MECOM: variants seen among roughly 807,000 people sequenced by gnomAD.
MECOM encodes the protein MDS1 and EVI1 complex locus.
A neutral mutation model predicts 116.3 loss-of-function variants in MECOM; 13 were observed. The observed-to-expected ratio is 0.11, with a 90% confidence interval of 0.07 to 0.18. The LOEUF is 0.18. Among genes scored for constraint, MECOM ranks in the 10% least tolerant of loss-of-function variants. The pLI, the probability that MECOM is intolerant of heterozygous loss-of-function variation, is 1.00. For missense variants in MECOM, 1,299 were observed against 1,509.0 expected (o/e 0.86, Z 2.31); for synonymous variants, 528 against 535.2 (o/e 0.99, Z 0.19).
At chr3:169,398,094 G>A (rs1344651867) in intron 1 of MECOM, among the ~76,000 whole-genome samples, 2 of 152,176 alleles carry the variant, frequency 1.3e-5, no homozygotes, top group African/African-American at 4.8e-5. Flanking sequence ...TTGGGACTGT[G>A]TGAAATTTAC....
chr3:169,394,978 T>C (rs1197451296), intron 1 of MECOM, among the ~76,000 whole-genome samples: 1 of 152,238 alleles, frequency 6.6e-6, no homozygotes, highest in African/African-American at 2.4e-5. Flanking sequence ...TTTGCTTTTT[T>C]CTAGATGGAA....
intron 2 of MECOM, chr3:169,145,143 A>AACAC (rs67598122): frequency 3.8e-4 from 194 of 513,194 alleles, no homozygotes; most frequent in South Asian, 1.9e-3. Flanking sequence ...GATATTATTA[A>AACAC]ACACACACAC....
At chr3:169,513,478 T>C (rs1341880597) in intron 1 of MECOM, among the ~76,000 whole-genome samples, 1 of 152,252 alleles carries the variant, frequency 6.6e-6, no homozygotes, top group Non-Finnish European at 1.5e-5. Flanking sequence ...GTTTAAAAAG[T>C]TGTGCTTTAA....
intron 1 of MECOM, among the ~76,000 whole-genome samples, chr3:169,590,234 A>G (rs185979096): frequency 2.6e-5 from 4 of 152,362 alleles, no homozygotes; most frequent in Admixed American, 2.6e-4. Context: ...TACTGATTTG[A>G]TGAATAAGTA....
chr3:169,547,485 A>T (rs980804319), intron 1 of MECOM, among the ~76,000 whole-genome samples: 1 of 152,200 alleles, frequency 6.6e-6, no homozygotes, highest in Non-Finnish European at 1.5e-5. Context: ...CAGAAGAACA[A>T]GTATGGGCTT....
chr3:169,254,916 C>T (rs909564403), intron 2 of MECOM, among the ~76,000 whole-genome samples: 23 of 152,020 alleles, frequency 1.5e-4, no homozygotes, highest in African/African-American at 5.3e-4. Flanking sequence ...AAAACAGGAT[C>T]CATGAAGGCT....
intron 2 of MECOM, among the ~76,000 whole-genome samples, chr3:169,360,693 A>G (rs1265263000): frequency 6.6e-6 from 1 of 151,838 alleles, no homozygotes; most frequent in Non-Finnish European, 1.5e-5. Flanking sequence ...GGGGGAAAAA[A>G]AAGCAAATTC....
intron 1 of MECOM, among the ~76,000 whole-genome samples, chr3:169,388,053 A>G (rs1227391411): frequency 1.3e-5 from 2 of 151,932 alleles, no homozygotes; most frequent in Non-Finnish European, 2.9e-5. Context: ...GCAGACAGGA[A>G]GGATTACACG....
At chr3:169,257,607 G>A (rs12633242) in intron 2 of MECOM, among the ~76,000 whole-genome samples, 14,648 of 152,214 alleles carry the variant, frequency 0.096, 932 homozygotes, top group Non-Finnish European at 0.14. Context: ...CAGTTTTTAG[G>A]TTCTAATTCT....
chr3:169,220,900 C>T (rs73172024), intron 2 of MECOM, among the ~76,000 whole-genome samples: 2,412 of 152,144 alleles, frequency 0.016, 27 homozygotes, highest in Middle Eastern at 0.031. Context: ...GAACAATATC[C>T]GGCGCATAGT....
chr3:169,281,109 C>A (rs1347142221), intron 2 of MECOM, among the ~76,000 whole-genome samples: 1 of 152,168 alleles, frequency 6.6e-6, no homozygotes, highest in African/African-American at 2.4e-5. Flanking sequence ...AATGTTGCCA[C>A]TCAAAGTGTG....
chr3:169,252,541 T>C (rs1756380025), intron 2 of MECOM, among the ~76,000 whole-genome samples: 1 of 151,030 alleles, frequency 6.6e-6, no homozygotes, highest in Non-Finnish European at 1.5e-5. Context: ...AATTTATACT[T>C]ATATAAATAT....
At chr3:169,479,037 C>T (rs1750891928) in intron 1 of MECOM, among the ~76,000 whole-genome samples, 1 of 152,150 alleles carries the variant, frequency 6.6e-6, no homozygotes. Flanking sequence ...GGGAGGGCCA[C>T]AGTAGTGATT....
At chr3:169,414,505 C>T (rs1188188122) in intron 1 of MECOM, among the ~76,000 whole-genome samples, 1 of 152,098 alleles carries the variant, frequency 6.6e-6, no homozygotes, top group Non-Finnish European at 1.5e-5. Flanking sequence ...TCCTCACCAG[C>T]AAGAGAACAA....
intron 1 of MECOM, among the ~76,000 whole-genome samples, chr3:169,536,313 G>A (rs6776319): frequency 2.0e-5 from 3 of 149,128 alleles, no homozygotes; most frequent in African/African-American, 5.0e-5. Flanking sequence ...GTAAAAGTTA[G>A]TGGATTTGGA....
intron 1 of MECOM, among the ~76,000 whole-genome samples, chr3:169,409,864 G>A (rs933558082): frequency 4.6e-5 from 7 of 152,286 alleles, no homozygotes; most frequent in Middle Eastern, 6.8e-3. Context: ...TGAGAGGATA[G>A]TAACCTAAAG....
Position 169,663,508 on chromosome 3 carries a change from CTCTCTCTCT to C in MECOM, c.-145_-137del. On this transcript the variant is annotated 5_prime_UTR_variant, in exon 1 of 17. Transcript: ENST00000651503. ...TCTCTCTCTCTCTCTCTCTCTCTCT[CTCTCTCTCT>C]CTCTCTCTCTCTCCCTCCCTCCTGT... 1.5e-6 allele frequency: 1 copy of C among 674,912 alleles called. No homozygotes were observed. The highest frequency in any genetic ancestry group is 2.6e-6 in the Non-Finnish European group (1 of 382,730). The allele number at this position is 674,912 out of a possible 1,614,324, so 41.8% of individuals were successfully genotyped here.
intron 1 of MECOM, among the ~76,000 whole-genome samples, chr3:169,603,751 A>G (rs1768128510): frequency 6.6e-6 from 1 of 152,194 alleles, no homozygotes; most frequent in South Asian, 2.1e-4. Context: ...AATGTGCAAT[A>G]GGCTAAATTA....
intron 1 of MECOM, among the ~76,000 whole-genome samples, chr3:169,648,531 T>G (rs1324963617): frequency 3.3e-5 from 5 of 152,234 alleles, no homozygotes; most frequent in Non-Finnish European, 7.3e-5. Flanking sequence ...TCTTAAGCAT[T>G]TAGGCAAATG....
Sources: gnomAD v4.1 joint callset for allele counts (sites outside exome capture counted in the v4.1 genomes callset) on GRCh38, gnomAD v4.1.1 for gene constraint, MANE v1.5 for transcripts, NCBI Gene and HGNC (gene_info 2026-07-23, HGNC 2026-07-21) for gene names.